The following EDC3 variants were observed in gnomAD, a reference collection of about 807,000 sequenced individuals.
EDC3 encodes enhancer of mRNA-decapping protein 3.
In EDC3, 20 loss-of-function variants were observed where a neutral mutation model predicts 41.8. The ratio of observed to expected loss-of-function variants is 0.48; its 90% CI spans 0.34 to 0.70. EDC3 has a LOEUF of 0.70. Ranked by LOEUF, EDC3 falls within the 30% of genes least tolerant of loss-of-function variation. The pLI is 0.01. For missense variants in EDC3, 444 were observed against 636.8 expected (o/e 0.70, Z 3.26); for synonymous variants, 206 against 243.2 (o/e 0.85, Z 1.42).
chr15:74,637,177 C>T (rs1163782154), intron 5 of EDC3: 1 of 152,262 alleles, frequency 6.6e-6, no homozygotes, highest in African/African-American at 2.4e-5. Flanking sequence ...ATACATTAAA[C>T]TTCAAGATTA....
In EDC3 at chr15:74,632,532, T is replaced by C; in HGVS notation, c.*80A>G. 1 of 1,487,556 alleles carries C rather than the reference T, an allele frequency of 6.7e-7. No homozygotes were observed. The highest frequency in any genetic ancestry group is 1.2e-5 in the South Asian group (1 of 80,848). The allele number at this position is 1,487,556 out of a possible 1,614,324, so 92.1% of individuals were successfully genotyped here. On this transcript the variant is annotated 3_prime_UTR_variant, in exon 7 of 7. Transcript: ENST00000315127. This position sits in a 1 kb window ranked among gnomAD's most constrained non-coding sequence, Gnocchi z 4.0. ...CAAAAGAGAAAAAACTTTAACAAGG[T>C]CCATGAAGCTTCATATCCTTAAGGC...
At chr15:74,640,807 C>G (rs2062342314) in intron 4 of EDC3, 188 bp from the exon 5 acceptor site, 1 of 650,158 alleles carries the variant, frequency 1.5e-6, no homozygotes, top group Non-Finnish European at 2.6e-6. Context: ...ACTGGTGAAC[C>G]AAGTAACAAC....
intron 1 of EDC3, among the ~76,000 whole-genome samples, chr15:74,681,274 T>G (rs1245568169): frequency 6.6e-6 from 1 of 152,160 alleles, no homozygotes; most frequent in Non-Finnish European, 1.5e-5. Flanking sequence ...TGCTTCAGCC[T>G]CCCGAGTAGC....
At chr15:74,649,796 T>C (rs2062459319) in intron 4 of EDC3, among the ~76,000 whole-genome samples, 2 of 149,794 alleles carry the variant, frequency 1.3e-5, no homozygotes, top group African/African-American at 4.9e-5. Context: ...CTATCCCTCA[T>C]TGTAGCAACT....
chr15:74,665,176 C>G lies in EDC3; in HGVS notation c.484+6279G>C, dbSNP rs553993004. Among the ~76,000 whole-genome samples, 133 of 152,308 alleles carry G rather than the reference C, an allele frequency of 8.7e-4. 1 individual carries two copies. The highest frequency in any genetic ancestry group is 3.2e-3 in the African/African-American group (132 of 41,560). On this transcript the variant is annotated intron_variant, in intron 3 of 6. Coordinates refer to ENST00000315127, the MANE Select transcript of EDC3 (RefSeq NM_025083.5). ...AGTAGTTGGGATTACAGGCATGCAC[C>G]ACCAGGCCCAGCTAATTTTTTGTAT...
chr15:74,675,503 AAAAC>A (rs1262081747), intron 1 of EDC3, among the ~76,000 whole-genome samples: 2 of 151,250 alleles, frequency 1.3e-5, no homozygotes, highest in African/African-American at 4.8e-5. Flanking sequence ...ATATATTAAA[AAAAC>A]AAATTACTGA....
At chr15:74,644,224 A>AC (rs1406510975) in intron 4 of EDC3, 1 of 152,198 alleles carries the variant, frequency 6.6e-6, no homozygotes, top group Non-Finnish European at 1.5e-5. Flanking sequence ...TGTACCCCAG[A>AC]CCCCTTGGCC....
At position 74,636,060 on chromosome 15, in the gene EDC3, C is replaced by CT. The variant is rs2062269354; in HGVS notation, c.975-435dup. On this transcript the variant is annotated intron_variant, in intron 5 of 6. Coordinates refer to ENST00000315127, the MANE Select transcript of EDC3 (RefSeq NM_025083.5). Reference sequence around the variant, plus strand: ...AAACTACATCCCCTGCCCAGAAAGCCTTTCACTTTCCAAACTCTGAACCGC... The same window carrying CT: ...AAACTACATCCCCTGCCCAGAAAGCCTTTTCACTTTCCAAACTCTGAACCGC... The CT allele has an allele frequency of 3.5e-5, 6 of 171,860 alleles. No individual in the cohort carries two copies. In the South Asian group the frequency reaches 8.3e-4, roughly 24 times the overall value. The allele number at this position is 171,860 out of a possible 1,614,324, so 10.6% of individuals were successfully genotyped here.
intron 3 of EDC3, among the ~76,000 whole-genome samples, chr15:74,668,725 T>TGAAAGAAAGAAAGAAA (rs1180905042): frequency 3.4e-5 from 2 of 58,438 alleles, no homozygotes; most frequent in African/African-American, 3.0e-4. Flanking sequence ...GTCTCAAAAA[T>TGAAAGAAAGAAAGAAA]GAATGAAAGA....
At chr15:74,648,938 C>T (rs146036187) in intron 4 of EDC3, among the ~76,000 whole-genome samples, 30 of 152,132 alleles carry the variant, frequency 2.0e-4, no homozygotes, top group African/African-American at 6.7e-4. Flanking sequence ...TTTTTTTAAA[C>T]GTTGAGATAG....
chr15:74,668,633 T>C (rs758826517), intron 3 of EDC3, among the ~76,000 whole-genome samples: 7 of 151,958 alleles, frequency 4.6e-5, no homozygotes, highest in South Asian at 2.1e-4. Context: ...GGTGGGAGGA[T>C]CATTTGAGCC....
chr15:74,678,000 A>C (rs953239463), intron 1 of EDC3, among the ~76,000 whole-genome samples: 11 of 152,032 alleles, frequency 7.2e-5, no homozygotes, highest in Non-Finnish European at 1.5e-5. Flanking sequence ...TGTGAAAAGG[A>C]TACATACATA....
At chr15:74,665,399 T>TTACAATGACTA (rs1243340330) in intron 3 of EDC3, among the ~76,000 whole-genome samples, 2 of 152,198 alleles carry the variant, frequency 1.3e-5, no homozygotes, top group African/African-American at 4.8e-5. Context: ...CAACTGCATG[T>TTACAATGACTA]TACAATGACT....
intron 1 of EDC3, among the ~76,000 whole-genome samples, chr15:74,680,444 CCATT>C (rs1460077209): frequency 2.6e-5 from 4 of 151,922 alleles, no homozygotes; most frequent in African/African-American, 9.7e-5. Context: ...AATCGAACAC[CCATT>C]CATTCTTTTT....
chr15:74,680,695 T>C (rs185922286), intron 1 of EDC3, among the ~76,000 whole-genome samples: 27 of 152,238 alleles, frequency 1.8e-4, no homozygotes, highest in Non-Finnish European at 3.1e-4. Context: ...AAAACAAAAC[T>C]ATCCCCATTT....
chr15:74,635,072 CAT>C (rs1302364061), intron 6 of EDC3: 3 of 512,732 alleles, frequency 5.9e-6, no homozygotes, highest in Non-Finnish European at 1.1e-5. Flanking sequence ...AAGTATGTTA[CAT>C]GTCTTTTTGT....
intron 3 of EDC3, among the ~76,000 whole-genome samples, chr15:74,663,036 C>A (rs912158894): frequency 9.9e-5 from 15 of 152,196 alleles, no homozygotes; most frequent in African/African-American, 3.4e-4. Context: ...CCTGTAATCC[C>A]AGCACTGTGG....
chr15:74,645,967 T>A (rs181062375), intron 4 of EDC3, among the ~76,000 whole-genome samples: 17 of 151,970 alleles, frequency 1.1e-4, no homozygotes, highest in African/African-American at 4.1e-4. Flanking sequence ...ATCAAGCAAG[T>A]CAGTGGTGAA....
At chr15:74,651,874 A>G (rs937069605) in intron 4 of EDC3, among the ~76,000 whole-genome samples, 1 of 152,200 alleles carries the variant, frequency 6.6e-6, no homozygotes, top group African/African-American at 2.4e-5. Context: ...CTAACCTACC[A>G]AACAAACATC....
Sources: allele counts gnomAD v4.1 joint callset (sites outside exome capture counted in the v4.1 genomes callset), GRCh38; gene constraint gnomAD v4.1.1; non-coding constraint Gnocchi (gnomAD v3.1); transcripts MANE v1.5; gene names NCBI Gene and HGNC (gene_info 2026-07-23, HGNC 2026-07-21).